The following C8A variants were observed in gnomAD, a reference collection of about 807,000 sequenced individuals.
C8A encodes complement C8 alpha chain.
Under a neutral mutation model 65.3 loss-of-function variants are expected in C8A, and 67 were observed. The ratio of observed to expected loss-of-function variants is 1.03; its 90% CI spans 0.84 to 1.26. The LOEUF (loss-of-function observed/expected upper bound fraction) is 1.26. Ranked by LOEUF, C8A falls within the 50% of genes most tolerant of loss-of-function variation. The probability of loss-of-function intolerance (pLI) is 0.00; values close to 1 mark genes in which losing one functional copy is unlikely to be tolerated. For synonymous variants in C8A, 290 were observed against 259.4 expected, an observed-to-expected ratio of 1.12 and a Z score of -1.13; for missense variants, 781 against 723.9, an observed-to-expected ratio of 1.08 and a Z score of -0.90.
chr1:56,889,871 G>T (rs1448697228), intron 7 of C8A, among the ~76,000 whole-genome samples: 1 of 152,086 alleles, frequency 6.6e-6, no homozygotes, highest in Non-Finnish European at 1.5e-5. Flanking sequence ...GGAAGTCTTG[G>T]ATGTTAGGGA....
chr1:56,900,962 A>G (rs1644422153), intron 7 of C8A, among the ~76,000 whole-genome samples: 1 of 152,210 alleles, frequency 6.6e-6, no homozygotes, highest in Non-Finnish European at 1.5e-5. Flanking sequence ...GGATTAAGAA[A>G]AGGCTGTCTG....
chr1:56,876,917 C>A (rs532624710), intron 4 of C8A, among the ~76,000 whole-genome samples: 1 of 152,240 alleles, frequency 6.6e-6, no homozygotes, highest in South Asian at 2.1e-4. Context: ...TCTCCCCTTA[C>A]CCCCACATTT....
intron 1 of C8A, among the ~76,000 whole-genome samples, chr1:56,855,223 C>T (rs967046606): frequency 1.3e-5 from 2 of 152,112 alleles, no homozygotes; most frequent in African/African-American, 2.4e-5. Flanking sequence ...ATCATCTCAT[C>T]GGTTTGATCC....
At chr1:56,877,491 T>C (rs777171580) in intron 4 of C8A, among the ~76,000 whole-genome samples, 2 of 152,154 alleles carry the variant, frequency 1.3e-5, no homozygotes, top group Non-Finnish European at 2.9e-5. Flanking sequence ...TCTCTGCTTC[T>C]CCAGTACCGG....
intron 6 of C8A, among the ~76,000 whole-genome samples, chr1:56,885,569 G>GC (rs1644292869): frequency 7.9e-6 from 1 of 126,318 alleles, no homozygotes; most frequent in Admixed American, 8.2e-5. Context: ...TTTTTTGTTT[G>GC]TTTTTTTTTT....
intron 3 of C8A, among the ~76,000 whole-genome samples, chr1:56,875,722 T>C (rs1410101199): frequency 6.6e-6 from 1 of 152,042 alleles, no homozygotes; most frequent in Non-Finnish European, 1.5e-5. Context: ...AGGTAGGTGA[T>C]GGGCAGGTAG....
chr1:56,866,352 T>G (rs1644088181), intron 1 of C8A, among the ~76,000 whole-genome samples: 1 of 152,236 alleles, frequency 6.6e-6, no homozygotes, highest in South Asian at 2.1e-4. Context: ...TTCTCAGTTT[T>G]AATTTTGAAT....
chr1:56,902,615 G>C (rs1313521271), intron 7 of C8A, among the ~76,000 whole-genome samples: 1 of 152,068 alleles, frequency 6.6e-6, no homozygotes, highest in Non-Finnish European at 1.5e-5. Flanking sequence ...GTATAATTGA[G>C]ACTTTATGGT....
chr1:56,859,761 A>C (rs113783241), intron 1 of C8A, among the ~76,000 whole-genome samples: 1 of 151,946 alleles, frequency 6.6e-6, no homozygotes, highest in East Asian at 1.9e-4. Flanking sequence ...AAATATATAA[A>C]AAAAAATTAT....
chr1:56,865,394 T>C (rs1294705546), intron 1 of C8A, among the ~76,000 whole-genome samples: 1 of 152,218 alleles, frequency 6.6e-6, no homozygotes, highest in East Asian at 1.9e-4. Context: ...GATCGTCTTC[T>C]AGCTGTGTCC....
chr1:56,910,840 G>A (rs1012379041), intron 9 of C8A, among the ~76,000 whole-genome samples: 3 of 152,130 alleles, frequency 2.0e-5, no homozygotes, highest in Non-Finnish European at 4.4e-5. Context: ...AGGGAAGTGC[G>A]ACTACCGTAA....
chr1:56,861,249 G>T (rs1030978049), intron 1 of C8A, among the ~76,000 whole-genome samples: 5 of 152,132 alleles, frequency 3.3e-5, no homozygotes, highest in African/African-American at 1.2e-4. Context: ...TCTAGAAAAT[G>T]TATGCAAATA....
At chr1:56,898,454 C>A (rs1023730420) in intron 7 of C8A, among the ~76,000 whole-genome samples, 8 of 152,144 alleles carry the variant, frequency 5.3e-5, no homozygotes, top group African/African-American at 1.7e-4. Context: ...CCTGGACTTA[C>A]CATACTCTTT....
chr1:56,915,339 C>G (rs1359757778), intron 10 of C8A, among the ~76,000 whole-genome samples: 1 of 152,158 alleles, frequency 6.6e-6, no homozygotes, highest in Non-Finnish European at 1.5e-5. Flanking sequence ...GAGACCAACT[C>G]CCAGGGCCAG....
intron 8 of C8A, 126 bp from the exon 9 acceptor site, chr1:56,907,830 A>G (rs1570351935): frequency 1.6e-6 from 1 of 639,180 alleles, no homozygotes; most frequent in Non-Finnish European, 2.6e-6. Flanking sequence ...CCAAGAAGAG[A>G]AGAAGAATGG....
intron 7 of C8A, among the ~76,000 whole-genome samples, chr1:56,888,900 G>T (rs1054420885): frequency 1.8e-4 from 28 of 152,112 alleles, no homozygotes; most frequent in Admixed American, 6.6e-4. Flanking sequence ...TAATTACTTA[G>T]TCCAGGCCTG....
At chr1:56,882,599 A>G (rs1383993194) in intron 5 of C8A, among the ~76,000 whole-genome samples, 1 of 152,084 alleles carries the variant, frequency 6.6e-6, no homozygotes, top group Admixed American at 6.6e-5. Flanking sequence ...ATACTGACAG[A>G]AAATAAGGCC....
chr1:56,897,786 G>A (rs17114531), intron 7 of C8A, among the ~76,000 whole-genome samples: 7,093 of 152,164 alleles, frequency 0.047, 364 homozygotes, highest in South Asian at 0.13. Context: ...AACCGTATTC[G>A]TAATCTAATC....
At position 56,909,529 on chromosome 1, in the gene C8A, T is replaced by A. The variant is rs569673682; in HGVS notation, c.1380+1416T>A. The stretch of plus-strand genomic sequence containing the variant: ...GTGATTTGAGCAAAAACTGTAAAAT[T>A]GATATCAGGAGTAATACATAAACTT... On this transcript the variant is annotated intron_variant, in intron 9 of 10. Coordinates refer to ENST00000361249, the MANE Select transcript of C8A (RefSeq NM_000562.3). Among the ~76,000 whole-genome samples, 23 of 152,304 alleles carry A rather than the reference T, an allele frequency of 1.5e-4. 1 individual carries two copies. In the Middle Eastern group the frequency reaches 0.01, roughly 68 times the overall value.
Sources: gnomAD v4.1 joint callset for allele counts (sites outside exome capture counted in the v4.1 genomes callset) on GRCh38, gnomAD v4.1.1 for gene constraint, MANE v1.5 for transcripts, NCBI Gene and HGNC (gene_info 2026-07-23, HGNC 2026-07-21) for gene names.